UBE2G1: variants seen among roughly 807,000 people sequenced by gnomAD.
UBE2G1 encodes the protein ubiquitin-conjugating enzyme E2 G1.
Under a neutral mutation model 22.7 loss-of-function variants are expected in UBE2G1, and 5 were observed. That is an observed-to-expected ratio of 0.22 (90% CI 0.12 to 0.46). The LOEUF is 0.46. UBE2G1 is among the 20% of genes least tolerant of loss of function. The pLI is 0.99. For synonymous variants in UBE2G1, 74 were observed against 67.5 expected, an observed-to-expected ratio of 1.10 and a Z score of -0.47; for missense variants, 88 against 203.9, an observed-to-expected ratio of 0.43 and a Z score of 3.46.
intron 2 of UBE2G1, among the ~76,000 whole-genome samples, chr17:4,303,820 A>T (rs1969218037): frequency 6.6e-6 from 1 of 152,228 alleles, no homozygotes; most frequent in Non-Finnish European, 1.5e-5. Flanking sequence ...CAATACTACA[A>T]AACACATAAT....
chr17:4,353,755 C>A (rs1054179319), intron 1 of UBE2G1, among the ~76,000 whole-genome samples: 1 of 151,762 alleles, frequency 6.6e-6, no homozygotes, highest in Non-Finnish European at 1.5e-5. Flanking sequence ...CGTGATCCAC[C>A]TGCCTCGGCC....
chr17:4,305,906 CAGAAA>C (rs1223779974), intron 2 of UBE2G1, among the ~76,000 whole-genome samples: 1 of 152,190 alleles, frequency 6.6e-6, no homozygotes, highest in Non-Finnish European at 1.5e-5. Context: ...ACACTCAGAG[CAGAAA>C]AGAAGACTGT....
intron 2 of UBE2G1, among the ~76,000 whole-genome samples, chr17:4,306,195 A>C (rs1337490339): frequency 6.6e-6 from 1 of 152,230 alleles, no homozygotes; most frequent in Non-Finnish European, 1.5e-5. Context: ...CGATCTTGAA[A>C]GTTCTCCTTA....
At chr17:4,350,662 G>A (rs1270512344) in intron 1 of UBE2G1, among the ~76,000 whole-genome samples, 1 of 152,152 alleles carries the variant, frequency 6.6e-6, no homozygotes, top group Non-Finnish European at 1.5e-5. Flanking sequence ...ACTCTTAGAT[G>A]ATGCAGCTAT....
At chr17:4,338,772 T>C (rs1378061405) in intron 1 of UBE2G1, among the ~76,000 whole-genome samples, 1 of 152,190 alleles carries the variant, frequency 6.6e-6, no homozygotes, top group South Asian at 2.1e-4. Context: ...ACAGCAGGTA[T>C]AGAATAGATG....
intron 1 of UBE2G1, among the ~76,000 whole-genome samples, chr17:4,307,530 C>G (rs2143732970): frequency 6.6e-6 from 1 of 152,306 alleles, no homozygotes; most frequent in Non-Finnish European, 1.5e-5. Context: ...TCTAATCATA[C>G]CTTTTCATTG....
intron 4 of UBE2G1, among the ~76,000 whole-genome samples, chr17:4,287,452 A>C (rs1276463093): frequency 6.6e-6 from 1 of 152,042 alleles, no homozygotes; most frequent in Non-Finnish European, 1.5e-5. Flanking sequence ...GAACCATATA[A>C]ACATTCATCA....
intron 1 of UBE2G1, among the ~76,000 whole-genome samples, chr17:4,353,115 G>A (rs979965402): frequency 2.6e-5 from 4 of 152,124 alleles, no homozygotes; most frequent in East Asian, 1.9e-4. Flanking sequence ...GTACCCAGGA[G>A]GTTGAGGCAG....
At chr17:4,284,072 G>A (rs565468934) in intron 4 of UBE2G1, among the ~76,000 whole-genome samples, 2 of 150,670 alleles carry the variant, frequency 1.3e-5, no homozygotes, top group South Asian at 2.1e-4. Flanking sequence ...TGGGAGAATC[G>A]CTTGAACCTG....
chr17:4,359,928 A>G (rs1025232927), intron 1 of UBE2G1, among the ~76,000 whole-genome samples: 3 of 151,884 alleles, frequency 2.0e-5, no homozygotes, highest in African/African-American at 4.8e-5. Flanking sequence ...CACTAGGGGG[A>G]AAAAGTTTAG....
chr17:4,359,443 T>C (rs746079695), intron 1 of UBE2G1, among the ~76,000 whole-genome samples: 11 of 152,182 alleles, frequency 7.2e-5, no homozygotes, highest in Non-Finnish European at 1.2e-4. Flanking sequence ...TTACAAAAAT[T>C]AACTTGTTGC....
rs758472778 is a variant in UBE2G1 at position 4,272,293 on chromosome 17, G to A, written c.*261C>T. The A allele has an allele frequency of 1.3e-5, 2 of 156,228 alleles. No homozygotes were observed. Among genetic ancestry groups the A allele is most frequent in the Non-Finnish European group, 2.8e-5 (2 of 70,370 alleles). 9.7% of individuals were successfully genotyped at this position (156,228 alleles called of 1,614,324 possible). On this transcript the variant is annotated 3_prime_UTR_variant, in exon 6 of 6. Coordinates refer to ENST00000396981, the MANE Select transcript of UBE2G1 (RefSeq NM_003342.5). The stretch of plus-strand genomic sequence containing the variant: ...TATTATCCGGATCATGTTGTGCTAT[G>A]TACAGGTCTTTACAATTCTTCCTGA...
chr17:4,312,245 GA>G (rs1032699564), intron 1 of UBE2G1, among the ~76,000 whole-genome samples: 1 of 149,262 alleles, frequency 6.7e-6, no homozygotes, highest in South Asian at 2.1e-4. Flanking sequence ...AAAAAAGAAA[GA>G]AAAAAAAATC....
chr17:4,312,859 T>C (rs763191625), intron 1 of UBE2G1, among the ~76,000 whole-genome samples: 11 of 150,956 alleles, frequency 7.3e-5, no homozygotes, highest in South Asian at 4.2e-4. Flanking sequence ...AAGGCCACAG[T>C]TGCCCTCGGC....
chr17:4,340,572 C>T (rs549440681), intron 1 of UBE2G1, among the ~76,000 whole-genome samples: 4 of 152,040 alleles, frequency 2.6e-5, no homozygotes, highest in East Asian at 3.9e-4. Flanking sequence ...TGCTTTTCCC[C>T]GCTTCGCACT....
chr17:4,340,628 C>T (rs1043461633), intron 1 of UBE2G1, among the ~76,000 whole-genome samples: 1 of 152,084 alleles, frequency 6.6e-6, no homozygotes, highest in Non-Finnish European at 1.5e-5. Context: ...TGTTTGCTTC[C>T]CTTTCTGCCA....
At position 4,289,398 on chromosome 17, in the gene UBE2G1, AT is replaced by A; in HGVS notation, c.257del (p.Asn86MetfsTer36). ...GAAGAATAGAAATGCACACATCACC[AT>A]TTTTATCAACTGCAAAATTCAAGAA... ...TEIWHPNVDKNGDVCISILHE... is the reference protein window; with the variant it reads ...TEIWHPNVDKXGDVCISILHE... On this transcript the variant is annotated frameshift_variant, in exon 4 of 6. Transcript: ENST00000396981. LOFTEE classifies it high-confidence loss of function. 1.3e-6 allele frequency: 2 copies of A among 1,498,580 alleles called. No homozygotes were observed. The highest frequency in any genetic ancestry group is 2.7e-5 in the South Asian group (2 of 75,322). The allele number at this position is 1,498,580 out of a possible 1,614,324, so 92.8% of individuals were successfully genotyped here.
intron 1 of UBE2G1, among the ~76,000 whole-genome samples, chr17:4,340,293 T>G (rs1969696489): frequency 6.6e-6 from 1 of 152,232 alleles, no homozygotes; most frequent in African/African-American, 2.4e-5. Flanking sequence ...ACTGAGGTTC[T>G]GATGTTCTTA....
rs189168080 is a variant in UBE2G1 at position 4,303,468 on chromosome 17, G to A, written c.149+3553C>T. On this transcript the variant is annotated intron_variant, in intron 2 of 5. Transcript: ENST00000396981. ...TCCTAAGCATAGGGTTTTTACCCTA[G>A]AAATGAAACTGCTAAGACCAAATTT... Among the ~76,000 whole-genome samples, 488 of 152,246 alleles carry A rather than the reference G, an allele frequency of 3.2e-3. 1 individual carries two copies. The highest frequency in any genetic ancestry group is 5.0e-3 in the Non-Finnish European group (341 of 68,012).
Sources: allele counts gnomAD v4.1 joint callset (sites outside exome capture counted in the v4.1 genomes callset), GRCh38; gene constraint gnomAD v4.1.1; transcripts MANE v1.5; gene names NCBI Gene and HGNC (gene_info 2026-07-23, HGNC 2026-07-21).